Variants in PITPNC1 observed in about 807,000 individuals in gnomAD.
PITPNC1 encodes the protein phosphatidylinositol transfer protein cytoplasmic 1, also known as cytoplasmic phosphatidylinositol transfer protein 1.
PITPNC1 carries 18 observed loss-of-function variants against 44.7 expected under a neutral mutation model. The ratio of observed to expected loss-of-function variants is 0.40; its 90% CI spans 0.28 to 0.60. The LOEUF (loss-of-function observed/expected upper bound fraction) is 0.60, where lower values mean the gene tolerates loss of function less well. Among genes scored for constraint, PITPNC1 ranks in the 20% least tolerant of loss-of-function variants. The pLI is 0.39. For missense variants in PITPNC1, 290 were observed against 418.4 expected, an observed-to-expected ratio of 0.69 and a Z score of 2.68; for synonymous variants, 141 against 149.6, an observed-to-expected ratio of 0.94 and a Z score of 0.42.
chr17:67,688,521 G>A (rs2042863286), intron 8 of PITPNC1, among the ~76,000 whole-genome samples: 1 of 151,868 alleles, frequency 6.6e-6, no homozygotes, highest in Admixed American at 6.6e-5. Flanking sequence ...GCATGTGATT[G>A]CCCTTGAGGT....
At chr17:67,631,657 A>AAAAAT (rs1555574522) in intron 5 of PITPNC1, among the ~76,000 whole-genome samples, 5 of 7,678 alleles carry the variant, frequency 6.5e-4, no homozygotes, top group East Asian at 1.9e-3. Flanking sequence ...AAAAAAAAAA[A>AAAAAT]ATATATATAT....
At chr17:67,481,625 C>T (rs767335944) in intron 1 of PITPNC1, among the ~76,000 whole-genome samples, 1 of 152,044 alleles carries the variant, frequency 6.6e-6, no homozygotes, top group Non-Finnish European at 1.5e-5. Flanking sequence ...CATGAGCTAC[C>T]ATGCCCAGCT....
At chr17:67,646,986 T>G (rs1341519591) in intron 6 of PITPNC1, among the ~76,000 whole-genome samples, 1 of 152,206 alleles carries the variant, frequency 6.6e-6, no homozygotes, top group Non-Finnish European at 1.5e-5. Flanking sequence ...CAGGTAAAGC[T>G]AGACGTACAA....
intron 1 of PITPNC1, among the ~76,000 whole-genome samples, chr17:67,382,617 T>TTTTG (rs549683994): frequency 1.3e-5 from 2 of 151,928 alleles, no homozygotes; most frequent in African/African-American, 2.4e-5. Flanking sequence ...ATTCTAGAGT[T>TTTTG]TTTGTTTGTT....
chr17:67,642,274 C>T (rs947119000), intron 6 of PITPNC1, among the ~76,000 whole-genome samples: 7 of 152,050 alleles, frequency 4.6e-5, no homozygotes, highest in African/African-American at 1.4e-4. Context: ...TAAAAAATTC[C>T]GTTGGCCAAG....
chr17:67,656,712 C>T (rs1245305785), intron 6 of PITPNC1, among the ~76,000 whole-genome samples: 1 of 152,078 alleles, frequency 6.6e-6, no homozygotes, highest in East Asian at 1.9e-4. Context: ...TGAAACTTGC[C>T]TGTGGAAAGG....
intron 6 of PITPNC1, among the ~76,000 whole-genome samples, chr17:67,654,481 A>C (rs989618890): frequency 6.6e-6 from 1 of 152,174 alleles, no homozygotes; most frequent in African/African-American, 2.4e-5. Flanking sequence ...AGATTTGAAC[A>C]AAGTGCACTA....
intron 1 of PITPNC1, among the ~76,000 whole-genome samples, chr17:67,529,425 T>C (rs1363208949): frequency 6.6e-6 from 1 of 152,242 alleles, no homozygotes; most frequent in African/African-American, 2.4e-5. Flanking sequence ...AGGTGTCTGC[T>C]TCTGAAGCAG....
intron 1 of PITPNC1, among the ~76,000 whole-genome samples, chr17:67,467,851 T>C (rs1022537553): frequency 6.6e-6 from 1 of 152,216 alleles, no homozygotes; most frequent in Admixed American, 6.5e-5. Flanking sequence ...AACAAGAGCA[T>C]TTCAGAAACT....
At chr17:67,592,118 AC>A (rs1280411374) in intron 5 of PITPNC1, among the ~76,000 whole-genome samples, 1 of 152,140 alleles carries the variant, frequency 6.6e-6, no homozygotes, top group African/African-American at 2.4e-5. Flanking sequence ...TAAACTGAAA[AC>A]CTAAGAGAAT....
chr17:67,529,798 T>G (rs2040436755), intron 1 of PITPNC1, among the ~76,000 whole-genome samples: 1 of 151,980 alleles, frequency 6.6e-6, no homozygotes, highest in African/African-American at 2.4e-5. Flanking sequence ...AATATAAAAA[T>G]TAGTCGGGTC....
In PITPNC1 at chr17:67,697,089, A is replaced by G. The variant is rs770170663; in HGVS notation, c.*4201A>G. 1.3e-5 allele frequency: 2 copies of G among 152,170 alleles called. No individual in the cohort carries two copies. The highest frequency in any genetic ancestry group is 2.9e-5 in the Non-Finnish European group (2 of 68,024). The allele number at this position is 152,170 out of a possible 1,614,324, so 9.4% of individuals were successfully genotyped here. A position where few individuals can be genotyped will look rare whatever the true frequency, so the allele number is the denominator to read the frequency against. The stretch of plus-strand genomic sequence containing the variant: ...CTGCTGAAGGACCAGGTGTTGGAAT[A>G]CACAGCATTACAGACTATAAGCAAA... On this transcript the variant is annotated 3_prime_UTR_variant, in exon 9 of 9. Transcript: ENST00000581322.
intron 4 of PITPNC1, among the ~76,000 whole-genome samples, chr17:67,567,508 G>A (rs566034037): frequency 1.3e-5 from 2 of 151,226 alleles, no homozygotes; most frequent in Admixed American, 6.6e-5. Flanking sequence ...ATACCTGGGC[G>A]ACGAGACGTG....
chr17:67,600,471 T>G (rs1223923614), intron 5 of PITPNC1, among the ~76,000 whole-genome samples: 1 of 151,800 alleles, frequency 6.6e-6, no homozygotes, highest in East Asian at 1.9e-4. Context: ...GAATGAGAAA[T>G]TAGGAACCAA....
rs1952293319 is a variant in PITPNC1, at chr17:67,594,951, A to G, written c.366+16694A>G. 2.0e-5 allele frequency among the ~76,000 whole-genome samples: 3 copies of G among 152,214 alleles called. No homozygotes were observed. In the South Asian group the frequency reaches 6.2e-4, roughly 32 times the overall value. On this transcript the variant is annotated intron_variant, in intron 5 of 8. Transcript: ENST00000581322. ...TTTTAGACATTCAGCATGTTTTAAC[A>G]CGGCCATTGTTTTTCATGTTTTAAC...
At chr17:67,533,432 C>A (rs553311037) in intron 2 of PITPNC1, among the ~76,000 whole-genome samples, 25 of 152,192 alleles carry the variant, frequency 1.6e-4, no homozygotes, top group African/African-American at 4.8e-4. Flanking sequence ...AATTCAAGAG[C>A]CTGGAAGGTG....
chr17:67,615,757 C>T (rs139135293), intron 5 of PITPNC1, among the ~76,000 whole-genome samples: 12 of 152,210 alleles, frequency 7.9e-5, no homozygotes, highest in African/African-American at 2.9e-4. Flanking sequence ...TAAGAAGGAA[C>T]GGGGAGAAAT....
At chr17:67,385,747 GTT>G (rs11284565) in intron 1 of PITPNC1, among the ~76,000 whole-genome samples, 6 of 149,596 alleles carry the variant, frequency 4.0e-5, no homozygotes, top group South Asian at 4.2e-4. Context: ...CAAAGCTCCG[GTT>G]TTTTTTTTTG....
intron 1 of PITPNC1, among the ~76,000 whole-genome samples, chr17:67,422,706 A>AT (rs1256705160): frequency 2.0e-5 from 3 of 151,924 alleles, no homozygotes; most frequent in South Asian, 2.1e-4. Context: ...CACTCGGCTA[A>AT]TTTTTGTATT....
Sources: gnomAD v4.1 joint callset for allele counts (sites outside exome capture counted in the v4.1 genomes callset) on GRCh38, gnomAD v4.1.1 for gene constraint, MANE v1.5 for transcripts, NCBI Gene and HGNC (gene_info 2026-07-23, HGNC 2026-07-21) for gene names.